Variants in KIAA0408 observed in about 807,000 individuals in gnomAD.
KIAA0408 encodes KIAA0408.
KIAA0408 carries 51 observed loss-of-function variants against 60.9 expected under a neutral mutation model. The observed-to-expected ratio is 0.84, with a 90% CI of 0.67 to 1.06. The LOEUF (loss-of-function observed/expected upper bound fraction) is 1.06. Ranked by LOEUF, KIAA0408 falls within the 50% of genes least tolerant of loss-of-function variation. The probability of loss-of-function intolerance (pLI) is 0.00; values close to 1 mark genes in which losing one functional copy is unlikely to be tolerated. For missense variants in KIAA0408, 787 were observed against 833.9 expected (o/e 0.94, Z 0.69); for synonymous variants, 304 against 282.4 (o/e 1.08, Z -0.77).
At position 127,443,121 on chromosome 6, in the gene KIAA0408, A is replaced by T. The variant is rs1015802317; in HGVS notation, c.*988T>A. On this transcript the variant is annotated 3_prime_UTR_variant, in exon 6 of 6. Coordinates refer to ENST00000483725, the MANE Select transcript of KIAA0408 (RefSeq NM_014702.5). ...TTTAAGGAAAAGATTAGAAAAAGGA[A>T]AAAAATAATAAATGACTTACCTCTA... 11 of 152,196 alleles carry T rather than the reference A, an allele frequency of 7.2e-5. No homozygotes were observed. The highest frequency in any genetic ancestry group is 2.7e-4 in the African/African-American group (11 of 41,458). 9.4% of individuals were successfully genotyped at this position (152,196 alleles called of 1,614,324 possible).
In KIAA0408 at chr6:127,450,294, A is replaced by C; in HGVS notation, c.194T>G (p.Ile65Ser). ...AATGGTCTTCTCATGGTAAAGATCA[A>C]TGATCTTAGCACTTTCATTGATATT... is the stretch of plus-strand genomic sequence containing the variant. The part of the protein sequence containing the change: ...KININESAKI[I>S]DLYHEKTIPE... Residue 65 changes from isoleucine (I) to serine (S), a missense_variant, in exon 3 of 6, where the codon ATT (isoleucine) becomes AGT (serine). By Grantham distance (142) the Ile-to-Ser change is moderately radical (BLOSUM62 -2). Transcript: ENST00000483725. 1.9e-6 allele frequency: 3 copies of C among 1,613,626 alleles called. No individual in the cohort carries two copies. The highest frequency in any genetic ancestry group is 2.5e-6 in the Non-Finnish European group (3 of 1,179,920).
intron 1 of KIAA0408, among the ~76,000 whole-genome samples, chr6:127,457,701 G>A (rs904152327): frequency 2.0e-5 from 3 of 152,148 alleles, no homozygotes; most frequent in South Asian, 2.1e-4. Context: ...CTAGCCTTCC[G>A]GCCCTACCAG....
rs1213039964 is a variant in KIAA0408, at chr6:127,438,540, G to A, written c.*5569C>T. 6.6e-6 allele frequency: 1 copy of A among 152,188 alleles called. No homozygotes were observed. The highest frequency in any genetic ancestry group is 1.5e-5 in the Non-Finnish European group (1 of 68,036). 9.4% of individuals were successfully genotyped at this position (152,188 alleles called of 1,614,324 possible). On this transcript the variant is annotated 3_prime_UTR_variant, in exon 6 of 6. Coordinates refer to ENST00000483725, the MANE Select transcript of KIAA0408 (RefSeq NM_014702.5). The stretch of plus-strand genomic sequence containing the variant: ...GCTTAACAACAGGGATATGATCTGA[G>A]AAACGTGTTCTCAGGTGATTTCATC...
At position 127,439,411 on chromosome 6, in the gene KIAA0408, G is replaced by A. The variant is rs1773069187; in HGVS notation, c.*4698C>T. On this transcript the variant is annotated 3_prime_UTR_variant, in exon 6 of 6. Transcript: ENST00000483725. ...TACATACAAAATTTATATAAAATCA[G>A]AGCATAGGCATTAAAAGTGGAAATA... 6.6e-6 allele frequency: 1 copy of A among 152,154 alleles called. No individual in the cohort carries two copies. The highest frequency in any genetic ancestry group is 2.4e-5 in the African/African-American group (1 of 41,424). 9.4% of individuals were successfully genotyped at this position (152,154 alleles called of 1,614,324 possible).
At position 127,446,897 on chromosome 6, in the gene KIAA0408, G is replaced by A; in HGVS notation, c.1422C>T (p.Pro474=). 3 of 1,614,026 alleles carry A rather than the reference G, an allele frequency of 1.9e-6. No individual in the cohort carries two copies. The highest frequency in any genetic ancestry group is 2.5e-6 in the Non-Finnish European group (3 of 1,179,984). Residue 474 remains proline, a synonymous_variant, in exon 5 of 6, where the codon CCC becomes CCT. Coordinates refer to ENST00000483725, the MANE Select transcript of KIAA0408 (RefSeq NM_014702.5). ...CTGTGTGAGTAGATGAGGTATCACAGGGCTTGAGATCCTCCGATGATTTTG... is the reference window on the plus strand; with the variant it reads ...CTGTGTGAGTAGATGAGGTATCACAAGGCTTGAGATCCTCCGATGATTTTG... ...SCSKSSEDLK[P]CDTSSTHTGS...
chr6:127,446,383 A>C, intron 5 of KIAA0408, 25 bp downstream of exon 5: 1 of 1,585,236 alleles, frequency 6.3e-7, no homozygotes, highest in African/African-American at 1.3e-5. Context: ...GATGCTACCA[A>C]ATTATGTTAT....
Position 127,453,963 on chromosome 6 carries a change from A to C in KIAA0408, c.19T>G (p.Trp7Gly). 1 of 1,612,604 alleles carries C rather than the reference A, an allele frequency of 6.2e-7. No individual in the cohort carries two copies. Among genetic ancestry groups the C allele is most frequent in the Middle Eastern group, 1.7e-4 (1 of 6,046 alleles). Reference sequence around the variant, plus strand: ...TGCCAGTTAGTCTCTGTGTTCTCCCACTGCTTATGTAGGTCCATGGCAACA... The same window carrying C: ...TGCCAGTTAGTCTCTGTGTTCTCCCCCTGCTTATGTAGGTCCATGGCAACA... MDLHKQ[W>G]ENTETNWHKE... The change falls in exon 2 of 6, where the codon TGG (tryptophan) becomes GGG (glycine). Residue 7 changes from tryptophan (W) to glycine (G), a missense_variant. This residue lies in a region of KIAA0408 where 640 missense variants were observed against 681.3 expected (regional missense o/e 0.94). Transcript: ENST00000483725.
At position 127,447,097 on chromosome 6, in the gene KIAA0408, T is replaced by G. The variant is rs763922338; in HGVS notation, c.1222A>C (p.Ser408Arg). 1.9e-6 allele frequency: 3 copies of G among 1,613,824 alleles called. No homozygotes were observed. In the Admixed American group the frequency reaches 5.0e-5, roughly 27 times the overall value. ...PAKSHPDLHV[S>R]NDCSSSVAES... is the part of the protein sequence containing the mutation. Reference sequence around the variant, plus strand: ...GCTACTGAGGAGCTACAGTCATTACTTACATGAAGATCAGGATGAGATTTA... The same window carrying G: ...GCTACTGAGGAGCTACAGTCATTACGTACATGAAGATCAGGATGAGATTTA... Residue 408 changes from serine (S) to arginine (R), a missense_variant, in exon 5 of 6, where the codon AGT (serine) becomes CGT (arginine). By Grantham distance (110) the Ser-to-Arg change is moderately radical (BLOSUM62 -1). Transcript: ENST00000483725.
In KIAA0408 at chr6:127,451,629, G is replaced by C. The variant is rs143100526; in HGVS notation, c.136-1277C>G. Among the ~76,000 whole-genome samples, 97 of 152,196 alleles carry C rather than the reference G, an allele frequency of 6.4e-4. 1 individual carries two copies. In the East Asian group the frequency reaches 0.017, roughly 27 times the overall value. On this transcript the variant is annotated intron_variant, in intron 2 of 5. Coordinates refer to ENST00000483725, the MANE Select transcript of KIAA0408 (RefSeq NM_014702.5). The stretch of plus-strand genomic sequence containing the variant: ...AAAATGTGCTATTCCTGGGAAATAA[G>C]TTTGCCTTATCATTTGAATTTGAAG...
Position 127,443,382 on chromosome 6 carries a change from AAAACATTTAT to A in KIAA0408, c.*717_*726del, listed in dbSNP as rs758620024. ...CATACTAGACTACCAAATAATATAT[AAAACATTTAT>A]GAACATTTTATGCTTGCTTTACAAG... On this transcript the variant is annotated 3_prime_UTR_variant, in exon 6 of 6. Coordinates refer to ENST00000483725, the MANE Select transcript of KIAA0408 (RefSeq NM_014702.5). The A allele has an allele frequency of 5.3e-5, 8 of 152,328 alleles. No homozygotes were observed. The highest frequency in any genetic ancestry group is 1.2e-4 in the Non-Finnish European group (8 of 68,008). The allele number at this position is 152,328 out of a possible 1,614,324, so 9.4% of individuals were successfully genotyped here. A position where few individuals can be genotyped will look rare whatever the true frequency, so the allele number is the denominator to read the frequency against.
intron 2 of KIAA0408, chr6:127,451,451 T>C (rs1773301355): frequency 2.8e-6 from 1 of 360,978 alleles, no homozygotes; most frequent in Non-Finnish European, 5.5e-6. Context: ...TGTACTGAAC[T>C]TCTGCGGGCA....
chr6:127,450,029 A>C lies in KIAA0408; in HGVS notation c.459T>G (p.Ser153=), dbSNP rs1445998084. ...CAGAACAGCTCTTGCTGTCTTCCTCAGAAGTCCTCAGGTCAGGCCAGGCCT... is the reference window on the plus strand; with the variant it reads ...CAGAACAGCTCTTGCTGTCTTCCTCCGAAGTCCTCAGGTCAGGCCAGGCCT... ...ECEAWPDLRT[S]EEDSKSCSGA... Residue 153 remains serine (S), a synonymous_variant, in exon 3 of 6, where the codon TCT becomes TCG. Transcript: ENST00000483725. 3 of 1,613,858 alleles carry C rather than the reference A, an allele frequency of 1.9e-6. No individual in the cohort carries two copies. The highest frequency in any genetic ancestry group is 2.5e-6 in the Non-Finnish European group (3 of 1,179,966).
rs1468174784 is a variant in KIAA0408, at chr6:127,444,292, A to G, written c.1912-10T>C. 107 of 1,556,790 alleles carry G rather than the reference A, an allele frequency of 6.9e-5. No individual in the cohort carries two copies. The highest frequency in any genetic ancestry group is 8.6e-5 in the Non-Finnish European group (99 of 1,153,668). The stretch of plus-strand genomic sequence containing the variant: ...TCACTGACATGGATTCCTAGGACAC[A>G]AGTAAAAACATTCCTCTCACTCTCT... On this transcript the variant is annotated splice_polypyrimidine_tract_variant and intron_variant, in intron 5 of 5. Coordinates refer to ENST00000483725, the MANE Select transcript of KIAA0408 (RefSeq NM_014702.5).
chr6:127,440,830 T>C lies in KIAA0408; in HGVS notation c.*3279A>G, dbSNP rs754832632. On this transcript the variant is annotated 3_prime_UTR_variant, in exon 6 of 6. Transcript: ENST00000483725. Reference sequence around the variant, plus strand: ...TAAATGGGTAGAGAGAGGATGTCAGTGTACGAGAAGCCATATGGAGTTTTG... The same window carrying C: ...TAAATGGGTAGAGAGAGGATGTCAGCGTACGAGAAGCCATATGGAGTTTTG... The C allele has an allele frequency of 2.0e-5, 3 of 152,296 alleles. No individual in the cohort carries two copies. Among genetic ancestry groups the C allele is most frequent in the Non-Finnish European group, 2.9e-5 (2 of 68,060 alleles). 9.4% of individuals were successfully genotyped at this position (152,296 alleles called of 1,614,324 possible).
rs1239602335 is a variant in KIAA0408, at chr6:127,443,887, T to C, written c.*222A>G. The C allele has an allele frequency of 1.7e-5, 9 of 515,584 alleles. No homozygotes were observed. Among genetic ancestry groups the C allele is most frequent in the South Asian group, 1.6e-4 (7 of 44,170 alleles). 31.9% of individuals were successfully genotyped at this position (515,584 alleles called of 1,614,324 possible). ...ATATTGTACATTGTTTCAACTTATA[T>C]TGTATTGGAAAACTAATGAGGATGG... On this transcript the variant is annotated 3_prime_UTR_variant, in exon 6 of 6. Coordinates refer to ENST00000483725, the MANE Select transcript of KIAA0408 (RefSeq NM_014702.5).
intron 1 of KIAA0408, among the ~76,000 whole-genome samples, chr6:127,455,676 C>T (rs1203459224): frequency 2.0e-5 from 3 of 152,120 alleles, no homozygotes; most frequent in Admixed American, 6.6e-5. Context: ...GTCTTTGGCA[C>T]TAGCACTATT....
At chr6:127,449,601 A>C (rs752120346) in intron 4 of KIAA0408, among the ~76,000 whole-genome samples, 3 of 152,112 alleles carry the variant, frequency 2.0e-5, no homozygotes, top group Non-Finnish European at 2.9e-5. Context: ...GCAGTGAGCC[A>C]AGATCATGCC....
At chr6:127,445,955 C>A (rs1405589038) in intron 5 of KIAA0408, among the ~76,000 whole-genome samples, 5 of 151,998 alleles carry the variant, frequency 3.3e-5, no homozygotes, top group Non-Finnish European at 7.4e-5. Context: ...TGTGATTAAT[C>A]CTATGAGAAA....
Position 127,447,335 on chromosome 6 carries a change from C to T in KIAA0408, c.984G>A (p.Gly328=). The T allele has an allele frequency of 6.2e-7, 1 of 1,613,204 alleles. No individual in the cohort carries two copies. Residue 328 remains glycine, a synonymous_variant, in exon 5 of 6, where the codon GGG becomes GGA. Transcript: ENST00000483725. ...QEMSMLYPNE[G]KTSKDGIIFS... ...AGATGATACCATCTTTCGAAGTTTT[C>T]CCTTCATTTGGATACAACATAGACA... is the stretch of plus-strand genomic sequence containing the variant.
Sources: gnomAD v4.1 joint callset for allele counts (sites outside exome capture counted in the v4.1 genomes callset) on GRCh38, gnomAD v4.1.1 for gene constraint, gnomAD v4.1.1 regional missense constraint, MANE v1.5 for transcripts, NCBI Gene and HGNC (gene_info 2026-07-23, HGNC 2026-07-21) for gene names.